TENM4: variants seen among roughly 807,000 people sequenced by gnomAD.
The protein encoded by TENM4 is teneurin transmembrane protein 4.
TENM4 carries 82 observed loss-of-function variants against 243.3 expected under a neutral mutation model. The observed-to-expected ratio is 0.34, with a 90% CI of 0.28 to 0.40. TENM4 has a LOEUF of 0.40. Among genes scored for constraint, TENM4 ranks in the 10% least tolerant of loss-of-function variants. The pLI, the probability that TENM4 is intolerant of heterozygous loss-of-function variation, is 1.00. For missense variants in TENM4, 3,138 were observed against 3,673.3 expected, an observed-to-expected ratio of 0.85 and a Z score of 3.77; for synonymous variants, 1,412 against 1,456.3, an observed-to-expected ratio of 0.97 and a Z score of 0.69.
chr11:78,860,964 A>G lies in TENM4; in HGVS notation c.1255+1998T>C, dbSNP rs144607146. Among the ~76,000 whole-genome samples the G allele has an allele frequency of 3.9e-5, 6 of 152,366 alleles. No individual in the cohort carries two copies. In the East Asian group the frequency reaches 1.2e-3, roughly 29 times the overall value. On this transcript the variant is annotated intron_variant, in intron 10 of 33. Coordinates refer to ENST00000278550, the MANE Select transcript of TENM4 (RefSeq NM_001098816.3). ...ACAACCCACAGACTAATTTCATTAG[A>G]GTGAGAGATTTCAGATAGATCCGAC... is the stretch of plus-strand genomic sequence containing the variant.
chr11:79,415,941 T>C (rs910921312), intron 1 of TENM4, among the ~76,000 whole-genome samples: 52 of 147,098 alleles, frequency 3.5e-4, no homozygotes, highest in African/African-American at 1.1e-3. Context: ...CCTATCACAA[T>C]AGATTACTCT....
chr11:79,265,185 T>C (rs1358437949), intron 2 of TENM4, among the ~76,000 whole-genome samples: 3 of 152,218 alleles, frequency 2.0e-5, no homozygotes, highest in African/African-American at 7.2e-5. Flanking sequence ...TGCATGAAAC[T>C]GCATGCTCCC....
chr11:78,964,196 C>A (rs1303246319), intron 6 of TENM4, among the ~76,000 whole-genome samples: 1 of 151,678 alleles, frequency 6.6e-6, no homozygotes, highest in East Asian at 1.9e-4. Flanking sequence ...GTGTGCACTA[C>A]CACACCCAGC....
chr11:79,326,526 C>T (rs1248986300), intron 1 of TENM4, among the ~76,000 whole-genome samples: 2 of 152,232 alleles, frequency 1.3e-5, no homozygotes, highest in Admixed American at 6.5e-5. Context: ...TCTCTTGCAA[C>T]ACCTGTTGTA....
At position 78,656,082 on chromosome 11, in the gene TENM4, T is replaced by G. The variant is rs1248766950; in HGVS notation, c.*1976A>C. 6.6e-6 allele frequency: 1 copy of G among 152,176 alleles called. No homozygotes were observed. The highest frequency in any genetic ancestry group is 1.5e-5 in the Non-Finnish European group (1 of 68,034). 9.4% of individuals were successfully genotyped at this position (152,176 alleles called of 1,614,324 possible). On this transcript the variant is annotated 3_prime_UTR_variant, in exon 34 of 34. Transcript: ENST00000278550. ...TCCTCTAATCCCAGTGGGATGACGT[T>G]AAGGCGAAATCTCCTCTCCCCAAGA...
chr11:79,055,120 T>C (rs1169368316), intron 6 of TENM4, among the ~76,000 whole-genome samples: 2 of 113,132 alleles, frequency 1.8e-5, no homozygotes, highest in Non-Finnish European at 4.2e-5. Context: ...AGAGTGAAAC[T>C]CCATCTCAAA....
chr11:79,383,271 C>G (rs1018828007), intron 1 of TENM4, among the ~76,000 whole-genome samples: 10 of 152,212 alleles, frequency 6.6e-5, no homozygotes, highest in African/African-American at 2.4e-4. Context: ...AGCAGCCTCT[C>G]CATCAGGCCT....
chr11:78,937,162 G>A (rs1030833180), intron 6 of TENM4, among the ~76,000 whole-genome samples: 4 of 152,134 alleles, frequency 2.6e-5, no homozygotes, highest in African/African-American at 9.7e-5. Flanking sequence ...CAGTGATCCT[G>A]GAGGTTCAGA....
chr11:78,800,092 A>C (rs1446106653), intron 15 of TENM4, among the ~76,000 whole-genome samples: 1 of 152,228 alleles, frequency 6.6e-6, no homozygotes, highest in Non-Finnish European at 1.5e-5. Flanking sequence ...GAAGCCATTA[A>C]GCTCTGAAAG....
chr11:78,792,699 A>C (rs1040341757), intron 15 of TENM4, among the ~76,000 whole-genome samples: 2 of 152,198 alleles, frequency 1.3e-5, no homozygotes, highest in African/African-American at 4.8e-5. Flanking sequence ...TTAATGGAAG[A>C]GGTGTATGTC....
chr11:78,974,504 T>C (rs1454831432), intron 6 of TENM4, among the ~76,000 whole-genome samples: 2 of 152,130 alleles, frequency 1.3e-5, no homozygotes, highest in Non-Finnish European at 2.9e-5. Flanking sequence ...AAACTGATTA[T>C]TTTGATTTTA....
At chr11:78,932,887 T>C (rs1856699330) in intron 6 of TENM4, among the ~76,000 whole-genome samples, 3 of 152,206 alleles carry the variant, frequency 2.0e-5, no homozygotes, top group African/African-American at 7.2e-5. Context: ...TAATGCCTCC[T>C]GTCATCTCCT....
intron 1 of TENM4, among the ~76,000 whole-genome samples, chr11:79,325,426 C>G (rs976198198): frequency 7.9e-5 from 12 of 152,182 alleles, no homozygotes; most frequent in Admixed American, 1.3e-4. Context: ...AAAATTTCCC[C>G]TCTGCCTTGT....
chr11:78,756,747 A>G (rs1856315548), intron 19 of TENM4, 58 bp downstream of exon 19: 4 of 1,494,884 alleles, frequency 2.7e-6, no homozygotes, highest in Non-Finnish European at 1.8e-6. Context: ...AAGAGGCTCT[A>G]GAGTGATTCA....
intron 4 of TENM4, among the ~76,000 whole-genome samples, chr11:79,131,936 A>T (rs546474623): frequency 1.3e-5 from 2 of 152,318 alleles, no homozygotes; most frequent in South Asian, 4.1e-4. Flanking sequence ...GTTAAAAGAG[A>T]CAGAGGGACA....
In TENM4 at chr11:78,891,314, G is replaced by C. The variant is rs1330819093; in HGVS notation, c.772C>G (p.Leu258Val). Residue 258 changes from leucine to valine, a missense_variant, in exon 8 of 34, where the codon CTA becomes GTA. By Grantham distance (32) the Leu-to-Val change is conservative. Coordinates refer to ENST00000278550, the MANE Select transcript of TENM4 (RefSeq NM_001098816.3). ...ETRNLGKQPF[L>V]GTLQDNLIEM... Reference sequence around the variant, plus strand: ...ATGAGGTTGTCCTGCAATGTCCCTAGGAATGGCTGCTTGCCTAGGTTTCTA... The same window carrying C: ...ATGAGGTTGTCCTGCAATGTCCCTACGAATGGCTGCTTGCCTAGGTTTCTA... The C allele has an allele frequency of 1.2e-5, 19 of 1,551,644 alleles. No homozygotes were observed. The highest frequency in any genetic ancestry group is 1.5e-5 in the Non-Finnish European group (17 of 1,146,994).
At chr11:79,370,779 TAAAAAAAAAA>T (rs544196671) in intron 1 of TENM4, among the ~76,000 whole-genome samples, 27 of 57,168 alleles carry the variant, frequency 4.7e-4, no homozygotes, top group South Asian at 3.9e-3. Flanking sequence ...ACTCCTATGG[TAAAAAAAAAA>T]AAAAAAAAAA....
intron 18 of TENM4, among the ~76,000 whole-genome samples, chr11:78,768,168 C>T: frequency 6.6e-6 from 1 of 152,240 alleles, no homozygotes; most frequent in East Asian, 1.9e-4. Flanking sequence ...TGCCATCCTG[C>T]AAAGCAGGGG....
intron 1 of TENM4, among the ~76,000 whole-genome samples, chr11:79,342,486 C>G (rs1272782398): frequency 6.6e-6 from 1 of 152,070 alleles, no homozygotes. Flanking sequence ...TACAGCGGGC[C>G]ACACAGAAAT....
Sources: allele counts gnomAD v4.1 joint callset (sites outside exome capture counted in the v4.1 genomes callset), GRCh38; gene constraint gnomAD v4.1.1; transcripts MANE v1.5; gene names NCBI Gene and HGNC (gene_info 2026-07-23, HGNC 2026-07-21).